The following OGT variants were observed in gnomAD, a reference collection of about 807,000 sequenced individuals.
The protein encoded by OGT is O-linked N-acetylglucosamine (GlcNAc) transferase.
OGT carries 3 observed loss-of-function variants against 75.8 expected under a neutral mutation model. The ratio of observed to expected loss-of-function variants is 0.04; its 90% CI spans 0.02 to 0.10. OGT has a LOEUF of 0.10. OGT is among the 10% of genes least tolerant of loss of function. The probability of loss-of-function intolerance (pLI) is 1.00; values close to 1 mark genes in which losing one functional copy is unlikely to be tolerated. For missense variants in OGT, 260 were observed against 824.4 expected (o/e 0.32, Z 8.38); for synonymous variants, 257 against 289.7 (o/e 0.89, Z 1.15).
chrX:71,542,325 A>T (rs1411143488), intron 3 of OGT, among the ~76,000 whole-genome samples: 2 of 112,142 alleles, frequency 1.8e-5, no homozygotes, highest in Non-Finnish European at 3.8e-5. Context: ...CTGTTCATGC[A>T]CATAGGTTTG....
At chrX:71,545,273 T>A (rs1479982137) in intron 4 of OGT, 1 of 111,152 alleles carries the variant, frequency 9.0e-6, no homozygotes, top group African/African-American at 3.3e-5. Context: ...CATTTCCTTC[T>A]TTTATTCCTC....
intron 19 of OGT, 88 bp downstream of exon 19, chrX:71,564,841 C>A: frequency 1.3e-6 from 1 of 748,721 alleles, no homozygotes; most frequent in Non-Finnish European, 1.9e-6. Flanking sequence ...CATTTAGGAG[C>A]TGTTCTGCTC....
At chrX:71,568,967 G>GACT (rs1269637600) in intron 21 of OGT, among the ~76,000 whole-genome samples, 1 of 112,093 alleles carries the variant, frequency 8.9e-6, no homozygotes, top group Non-Finnish European at 1.9e-5. Flanking sequence ...TAGCATTGAG[G>GACT]ACTAGCCTTT....
intron 11 of OGT, 82 bp from the exon 12 acceptor site, chrX:71,557,411 A>G: frequency 9.1e-7 from 1 of 1,093,053 alleles, no homozygotes; most frequent in East Asian, 3.0e-5. Context: ...GCTATCTGAC[A>G]TTACTTTAGG....
rs1419087978 is a variant in OGT, at chrX:71,574,994, G to C, written c.*1200G>C. ...TGGACTTGGTCTTGAAGTCTGTACA[G>C]ATTCAGCCTCAGTAGTAGCGAACTG... On this transcript the variant is annotated 3_prime_UTR_variant, in exon 22 of 22. Coordinates refer to ENST00000373719, the MANE Select transcript of OGT (RefSeq NM_181672.3). The C allele has an allele frequency of 9.0e-6, 1 of 111,447 alleles. No individual in the cohort carries two copies. The highest frequency in any genetic ancestry group is 1.9e-5 in the Non-Finnish European group (1 of 53,082). 9.2% of individuals were successfully genotyped at this position (111,447 alleles called of 1,213,427 possible).
intron 1 of OGT, 79 bp downstream of exon 1, chrX:71,533,415 T>G: frequency 1.1e-6 from 1 of 902,140 alleles, no homozygotes. Flanking sequence ...ACTCCTTCCC[T>G]CCCTTCCCTC....
At chrX:71,557,914 T>G (rs1205123110) in intron 12 of OGT, among the ~76,000 whole-genome samples, 1 of 111,482 alleles carries the variant, frequency 9.0e-6, no homozygotes, top group Non-Finnish European at 1.9e-5. Flanking sequence ...TGATGGTACT[T>G]TTCTTTAAGT....
intron 1 of OGT, chrX:71,534,408 G>C (rs1475613094): frequency 9.0e-6 from 1 of 111,101 alleles, no homozygotes; most frequent in African/African-American, 3.3e-5. Context: ...AATTGTAGGA[G>C]TGTCCTTCAG....
intron 3 of OGT, among the ~76,000 whole-genome samples, chrX:71,543,347 C>T: frequency 9.0e-6 from 1 of 111,376 alleles, no homozygotes; most frequent in Admixed American, 9.6e-5. Flanking sequence ...CAAAATAGGG[C>T]AAATAAAAAT....
chrX:71,556,373 C>G, intron 8 of OGT: 1 of 372,914 alleles, frequency 2.7e-6, no homozygotes, highest in East Asian at 4.2e-5. Flanking sequence ...AGTATATAAT[C>G]TTAGTGCCTG....
chrX:71,559,193 G>C, intron 12 of OGT, 74 bp from the exon 13 acceptor site: 1 of 981,091 alleles, frequency 1.0e-6, no homozygotes, highest in Non-Finnish European at 1.4e-6. Context: ...TATAGGTTTG[G>C]TGTGTTTTTC....
At chrX:71,543,734 ATGTGTGTGTGTGTGTG>A (rs1156448647) in intron 3 of OGT, among the ~76,000 whole-genome samples, 2 of 82,447 alleles carry the variant, frequency 2.4e-5, no homozygotes, top group Non-Finnish European at 4.9e-5. Flanking sequence ...AATATTTGAG[ATGTGTGTGTGTGTGTG>A]TGTGTGTGTG....
intron 14 of OGT, among the ~76,000 whole-genome samples, chrX:71,560,290 A>AAAAG (rs1556072698): frequency 4.6e-5 from 5 of 108,768 alleles, no homozygotes; most frequent in African/African-American, 1.7e-4. Context: ...AAAAAAAAAA[A>AAAAG]AAAAGAAAAA....
intron 19 of OGT, among the ~76,000 whole-genome samples, chrX:71,565,914 T>G (rs1415030226): frequency 1.8e-5 from 2 of 112,685 alleles, no homozygotes; most frequent in Non-Finnish European, 3.7e-5. Context: ...TCCACCCATT[T>G]TTAACATTCT....
chrX:71,536,522 G>A (rs2040176864), intron 2 of OGT, 164 bp downstream of exon 2: 1 of 369,686 alleles, frequency 2.7e-6, no homozygotes, highest in Non-Finnish European at 4.5e-6. Context: ...CCAGCTGCCA[G>A]TTTTTCTCCT....
At chrX:71,554,477 C>T (rs959487713) in intron 5 of OGT, 36 bp from the exon 6 acceptor site, 13 of 1,049,648 alleles carry the variant, frequency 1.2e-5, no homozygotes, top group East Asian at 3.0e-5. Flanking sequence ...GAAATCCTAA[C>T]TTGCTCTGAG....
intron 3 of OGT, among the ~76,000 whole-genome samples, chrX:71,539,354 T>A (rs1352339049): frequency 8.9e-6 from 1 of 112,246 alleles, no homozygotes; most frequent in Non-Finnish European, 1.9e-5. Context: ...TCCATTGCTT[T>A]AAAAAACATT....
At chrX:71,563,870 C>T (rs1401980325) in intron 18 of OGT, among the ~76,000 whole-genome samples, 4 of 111,937 alleles carry the variant, frequency 3.6e-5, no homozygotes, top group Admixed American at 2.9e-4. Flanking sequence ...AATCCATTTC[C>T]GTACTTACCG....
In OGT at chrX:71,575,078, T is replaced by C. The variant is rs1210546107; in HGVS notation, c.*1284T>C. On this transcript the variant is annotated 3_prime_UTR_variant, in exon 22 of 22. Transcript: ENST00000373719. ...TATAGTCCTCCTGGAACTTGAGTTATTAAAATCATAGGAATAAAATTATGG... is the reference window on the plus strand; with the variant it reads ...TATAGTCCTCCTGGAACTTGAGTTACTAAAATCATAGGAATAAAATTATGG... The C allele has an allele frequency of 9.0e-6, 1 of 111,643 alleles. No homozygotes were observed. The highest frequency in any genetic ancestry group is 9.6e-5 in the Admixed American group (1 of 10,408). 9.2% of individuals were successfully genotyped at this position (111,643 alleles called of 1,213,427 possible). A position where few individuals can be genotyped will look rare whatever the true frequency, so the allele number is the denominator to read the frequency against.
Sources: gnomAD v4.1 joint callset for allele counts (sites outside exome capture counted in the v4.1 genomes callset) on GRCh38, gnomAD v4.1.1 for gene constraint, MANE v1.5 for transcripts, NCBI Gene and HGNC (gene_info 2026-07-23, HGNC 2026-07-21) for gene names.